MYSM1: variants seen among roughly 807,000 people sequenced by gnomAD.
The protein encoded by MYSM1 is Myb like, SWIRM and MPN domains 1.
MYSM1 carries 51 observed loss-of-function variants against 116.0 expected under a neutral mutation model. The observed-to-expected ratio is 0.44, with a 90% confidence interval of 0.35 to 0.56. The LOEUF (loss-of-function observed/expected upper bound fraction) is 0.56. MYSM1 is among the 20% of genes least tolerant of loss of function. MYSM1 has a pLI of 0.00. For synonymous variants in MYSM1, 313 were observed against 315.2 expected (o/e 0.99, Z 0.07); for missense variants, 900 against 974.9 (o/e 0.92, Z 1.02).
intron 17 of MYSM1, among the ~76,000 whole-genome samples, chr1:58,662,351 C>A (rs1644405401): frequency 6.6e-6 from 1 of 152,080 alleles, no homozygotes; most frequent in Non-Finnish European, 1.5e-5. Context: ...TCAGCTGATT[C>A]ACTAGCAAAG....
chr1:58,657,381 A>C lies in MYSM1; in HGVS notation c.*2616T>G. The C allele has an allele frequency of 6.6e-6, 1 of 152,102 alleles. No homozygotes were observed. Among genetic ancestry groups the C allele is most frequent in the East Asian group, 1.9e-4 (1 of 5,194 alleles). 9.4% of individuals were successfully genotyped at this position (152,102 alleles called of 1,614,324 possible). A position where few individuals can be genotyped will look rare whatever the true frequency, so the allele number is the denominator to read the frequency against. On this transcript the variant is annotated 3_prime_UTR_variant, in exon 20 of 20. Coordinates refer to ENST00000472487, the MANE Select transcript of MYSM1 (RefSeq NM_001085487.3). ...ATTATTAAAGGCAGGTGTTCCTTTGAGACTCTGCCTCCTGAACTTCCTGTA... is the reference window on the plus strand; with the variant it reads ...ATTATTAAAGGCAGGTGTTCCTTTGCGACTCTGCCTCCTGAACTTCCTGTA...
At chr1:58,678,555 A>G (rs1440543357) in intron 8 of MYSM1, among the ~76,000 whole-genome samples, 1 of 152,206 alleles carries the variant, frequency 6.6e-6, no homozygotes, top group African/African-American at 2.4e-5. Flanking sequence ...TTGTTTAAGA[A>G]CTAGATTCAA....
intron 17 of MYSM1, among the ~76,000 whole-genome samples, chr1:58,662,454 A>AC (rs869216071): frequency 0.076 from 4,473 of 59,194 alleles, 217 homozygotes; most frequent in African/African-American, 0.19. Flanking sequence ...GCCATTATTC[A>AC]CCCCCCCCTT....
intron 1 of MYSM1, among the ~76,000 whole-genome samples, chr1:58,697,426 T>C (rs1239837316): frequency 1.3e-5 from 2 of 152,014 alleles, no homozygotes; most frequent in Non-Finnish European, 2.9e-5. Context: ...ACTGGTAAAA[T>C]TTCATATGGT....
Position 58,681,896 on chromosome 1 carries a change from C to A in MYSM1, c.1148G>T (p.Arg383Ile). The change falls in exon 8 of 20, where the codon AGA (arginine) becomes ATA (isoleucine). Residue 383 changes from arginine (R) to isoleucine (I), a missense_variant. Physicochemically the swap from Arg to Ile is moderately conservative, Grantham distance 97. Around this residue, in one of 3 missense-constraint regions of MYSM1, gnomAD observed 622 missense variants for 623.7 expected, o/e 1.00. Transcript: ENST00000472487. ...TTTTTCTTCTTCTTGAATGATATTT[C>A]TATCTATTTCTATTTCCTGTTCTGG... ...KPPEQEIEID[R>I]NIIQEEEKQA... The A allele has an allele frequency of 6.2e-7, 1 of 1,613,746 alleles. No individual in the cohort carries two copies. The highest frequency in any genetic ancestry group is 8.5e-7 in the Non-Finnish European group (1 of 1,179,916).
Position 58,685,178 on chromosome 1 carries a change from T to A in MYSM1, c.473A>T (p.Tyr158Phe). Reference sequence around the variant, plus strand: ...CTTATTTTTAAAATACTGTCTTGCATAACTCTTCACTTGTAAAACAGTGCG... The same window carrying A: ...CTTATTTTTAAAATACTGTCTTGCAAAACTCTTCACTTGTAAAACAGTGCG... ...GSRTVLQVKS[Y>F]ARQYFKNKVK... is the part of the protein sequence containing the mutation. Residue 158 changes from tyrosine to phenylalanine, a missense_variant, in exon 7 of 20, where the codon TAT (tyrosine) becomes TTT (phenylalanine). This residue lies in a region of MYSM1 where 622 missense variants were observed against 623.7 expected (regional missense o/e 1.00). Coordinates refer to ENST00000472487, the MANE Select transcript of MYSM1 (RefSeq NM_001085487.3). 6.2e-7 allele frequency: 1 copy of A among 1,605,766 alleles called. No homozygotes were observed. The highest frequency in any genetic ancestry group is 8.5e-7 in the Non-Finnish European group (1 of 1,177,430).
At chr1:58,692,810 G>C (rs1321022303) in intron 3 of MYSM1, 51 bp downstream of exon 3, 8 of 1,461,362 alleles carry the variant, frequency 5.5e-6, no homozygotes. Flanking sequence ...TGCATTTATA[G>C]ATTTTTTTCA....
chr1:58,692,786 C>T, intron 3 of MYSM1, 75 bp downstream of exon 3: 1 of 1,031,944 alleles, frequency 9.7e-7, no homozygotes, highest in Non-Finnish European at 1.5e-6. Flanking sequence ...TAAACAGTGG[C>T]CTCTTGTAAA....
chr1:58,695,063 A>G (rs2473746), intron 2 of MYSM1, 66 bp downstream of exon 2: 322,848 of 850,016 alleles, frequency 0.38, 62,210 homozygotes, highest in Middle Eastern at 0.49. Flanking sequence ...AAAAAAAAAA[A>G]AAGAAGAAGC....
At chr1:58,697,718 T>C (rs962654868) in intron 1 of MYSM1, among the ~76,000 whole-genome samples, 3 of 151,676 alleles carry the variant, frequency 2.0e-5, no homozygotes, top group African/African-American at 7.3e-5. Flanking sequence ...GCCTCCCTAG[T>C]AGCTGCAATT....
rs970510405 is a variant in MYSM1, at chr1:58,700,017, C to G, written c.36G>C (p.Gly12=). 3.1e-6 allele frequency: 5 copies of G among 1,613,608 alleles called. No individual in the cohort carries two copies. Among genetic ancestry groups the G allele is most frequent in the Non-Finnish European group, 4.2e-6 (5 of 1,180,032 alleles). ...AAEEADVDIE[G]DVVAAAGAQP... is the part of the protein sequence containing the mutation. ...GTGCCCCCGCCGCCGCTACCACGTC[C>G]CCTTCGATATCCACATCCGCCTCTT... The change falls in exon 1 of 20, where the codon GGG becomes GGC. Residue 12 remains glycine (G), a synonymous_variant. Transcript: ENST00000472487.
At chr1:58,698,336 G>A (rs1170877681) in intron 1 of MYSM1, among the ~76,000 whole-genome samples, 1 of 151,004 alleles carries the variant, frequency 6.6e-6, no homozygotes. Context: ...TCCTGACCTC[G>A]TGATCTGCCC....
chr1:58,662,085 G>A (rs529249495), intron 17 of MYSM1, among the ~76,000 whole-genome samples: 8 of 152,082 alleles, frequency 5.3e-5, no homozygotes, highest in African/African-American at 1.9e-4. Context: ...TCACTTCTGA[G>A]CCCAAACTCA....
At chr1:58,664,861 TAG>T (rs1308740559) in intron 17 of MYSM1, among the ~76,000 whole-genome samples, 1 of 152,208 alleles carries the variant, frequency 6.6e-6, no homozygotes, top group African/African-American at 2.4e-5. Flanking sequence ...ATAAATATCC[TAG>T]AGTTATTTAG....
chr1:58,677,042 G>GTA lies in MYSM1; in HGVS notation c.1273_1274insTA (p.Pro425LeufsTer5). 1 of 1,600,332 alleles carries GTA rather than the reference G, an allele frequency of 6.2e-7. No homozygotes were observed. The highest frequency in any genetic ancestry group is 8.5e-7 in the Non-Finnish European group (1 of 1,173,694). Reference sequence around the variant, plus strand: ...TACTGAGGTCTTATTTAAGTATTTTGGTTTGCATATCTCCCTAATTAAGAG... The same window carrying GTA: ...TACTGAGGTCTTATTTAAGTATTTTGTAGTTTGCATATCTCCCTAATTAAGAG... On this transcript the variant is annotated frameshift_variant, in exon 9 of 20. Transcript: ENST00000472487. LOFTEE classifies it high-confidence loss of function.
chr1:58,682,895 C>T (rs1468844010), intron 7 of MYSM1, among the ~76,000 whole-genome samples: 1 of 152,086 alleles, frequency 6.6e-6, no homozygotes, highest in Non-Finnish European at 1.5e-5. Context: ...TGGGGTTTCA[C>T]CATGTTAGCC....
At chr1:58,682,727 G>A (rs1031460420) in intron 7 of MYSM1, among the ~76,000 whole-genome samples, 182 bp from the exon 8 acceptor site, 7 of 145,246 alleles carry the variant, frequency 4.8e-5, no homozygotes, top group Admixed American at 2.1e-4. Context: ...ACGGAGTCTC[G>A]CTCTGTCACC....
intron 3 of MYSM1, among the ~76,000 whole-genome samples, chr1:58,691,903 G>A (rs1412974721): frequency 1.3e-5 from 2 of 152,052 alleles, no homozygotes; most frequent in Non-Finnish European, 2.9e-5. Flanking sequence ...GGATTTCAAA[G>A]ACTTAGTACA....
chr1:58,667,346 C>T (rs745727160), intron 15 of MYSM1, 120 bp from the exon 16 acceptor site: 13 of 660,890 alleles, frequency 2.0e-5, no homozygotes, highest in African/African-American at 1.5e-4. Context: ...TTTAACAATA[C>T]CACAGTTGCC....
Sources: allele counts gnomAD v4.1 joint callset (sites outside exome capture counted in the v4.1 genomes callset), GRCh38; gene constraint gnomAD v4.1.1; regional missense constraint gnomAD v4.1.1; transcripts MANE v1.5; gene names NCBI Gene and HGNC (gene_info 2026-07-23, HGNC 2026-07-21).